Variants in GRM8 observed in about 807,000 individuals in gnomAD.
The protein encoded by GRM8 is metabotropic glutamate receptor 8.
Under a neutral mutation model 87.2 loss-of-function variants are expected in GRM8, and 47 were observed. The ratio of observed to expected loss-of-function variants is 0.54; its 90% CI spans 0.43 to 0.69. The LOEUF (loss-of-function observed/expected upper bound fraction) is 0.69. GRM8 is among the 30% of genes least tolerant of loss of function. The pLI is 0.00. For missense variants in GRM8, 1,019 were observed against 1,139.2 expected, an observed-to-expected ratio of 0.89 and a Z score of 1.52; for synonymous variants, 396 against 404.5, an observed-to-expected ratio of 0.98 and a Z score of 0.25.
intron 2 of GRM8, among the ~76,000 whole-genome samples, chr7:127,121,077 C>T (rs1457947185): frequency 6.6e-6 from 1 of 152,110 alleles, no homozygotes. Context: ...TGCAATGTAC[C>T]TTGTCATCGA....
chr7:126,706,812 AT>A (rs1466349516), intron 7 of GRM8, among the ~76,000 whole-genome samples: 1 of 152,214 alleles, frequency 6.6e-6, no homozygotes, highest in Admixed American at 6.5e-5. Context: ...TTCAAAAAGC[AT>A]TATGTGAATT....
intron 2 of GRM8, among the ~76,000 whole-genome samples, chr7:127,143,355 C>G (rs1346174179): frequency 6.6e-6 from 1 of 152,128 alleles, no homozygotes; most frequent in Non-Finnish European, 1.5e-5. Flanking sequence ...GCCAGTTAAA[C>G]TACACATCTA....
rs140337078 is a variant in GRM8 at position 126,783,989 on chromosome 7, A to G, written c.1157-13924T>C. ...CTTTTGACTACAAACCTACCTTACAATAAGAAGGGAGTGAATTTAACACAT... is the reference window on the plus strand; with the variant it reads ...CTTTTGACTACAAACCTACCTTACAGTAAGAAGGGAGTGAATTTAACACAT... On this transcript the variant is annotated intron_variant, in intron 6 of 10. Coordinates refer to ENST00000339582, the MANE Select transcript of GRM8 (RefSeq NM_000845.3). Among the ~76,000 whole-genome samples, 103 of 152,318 alleles carry G rather than the reference A, an allele frequency of 6.8e-4. 1 individual carries two copies. Among genetic ancestry groups the G allele is most frequent in the African/African-American group, 2.2e-3 (90 of 41,584 alleles).
At chr7:127,076,976 C>G (rs761588076) in intron 3 of GRM8, among the ~76,000 whole-genome samples, 2 of 152,186 alleles carry the variant, frequency 1.3e-5, no homozygotes, top group Non-Finnish European at 2.9e-5. Flanking sequence ...CAGGGTCACA[C>G]AGAGCCCAAG....
At chr7:126,937,207 C>G (rs573405040) in intron 3 of GRM8, among the ~76,000 whole-genome samples, 1 of 152,146 alleles carries the variant, frequency 6.6e-6, no homozygotes, top group Non-Finnish European at 1.5e-5. Context: ...ATTTCCCATT[C>G]GAGCCTATTG....
At chr7:127,010,819 CATTA>C (rs1281484395) in intron 3 of GRM8, among the ~76,000 whole-genome samples, 2 of 152,036 alleles carry the variant, frequency 1.3e-5, no homozygotes, top group East Asian at 3.9e-4. Flanking sequence ...GGTATCCACT[CATTA>C]ATTCAAAAGC....
intron 7 of GRM8, among the ~76,000 whole-genome samples, chr7:126,666,569 T>A (rs1381137506): frequency 2.0e-5 from 3 of 152,112 alleles, no homozygotes; most frequent in Non-Finnish European, 2.9e-5. Flanking sequence ...TCCTACTGCG[T>A]CCAGCATGTC....
chr7:126,793,016 T>A (rs1423064641), intron 6 of GRM8, among the ~76,000 whole-genome samples: 1 of 152,200 alleles, frequency 6.6e-6, no homozygotes, highest in Admixed American at 6.5e-5. Context: ...AACACTCTTT[T>A]ATGTTTGTGC....
chr7:127,043,628 C>T (rs916853665), intron 3 of GRM8, among the ~76,000 whole-genome samples: 7 of 151,684 alleles, frequency 4.6e-5, no homozygotes, highest in African/African-American at 9.7e-5. Context: ...GTGTGGGGAG[C>T]GGGGAGGGAT....
chr7:127,028,611 T>C (rs1289478125), intron 3 of GRM8, among the ~76,000 whole-genome samples: 1 of 152,230 alleles, frequency 6.6e-6, no homozygotes, highest in Non-Finnish European at 1.5e-5. Flanking sequence ...ATTTTCTAGT[T>C]TATTTGCATA....
At chr7:126,693,871 T>A (rs2151378384) in intron 7 of GRM8, among the ~76,000 whole-genome samples, 1 of 152,214 alleles carries the variant, frequency 6.6e-6, no homozygotes, top group African/African-American at 2.4e-5. Context: ...CAAGTTATGT[T>A]TCATTTATTA....
chr7:127,178,825 G>T (rs1794266954), intron 2 of GRM8, among the ~76,000 whole-genome samples: 1 of 152,030 alleles, frequency 6.6e-6, no homozygotes, highest in Admixed American at 6.6e-5. Context: ...ACCACTACAA[G>T]AACTGCTAAA....
chr7:126,738,975 G>A (rs1814600821), intron 7 of GRM8, among the ~76,000 whole-genome samples: 1 of 151,928 alleles, frequency 6.6e-6, no homozygotes, highest in South Asian at 2.1e-4. Context: ...ACAAATGTTT[G>A]GAGCCTTCAG....
At chr7:127,097,179 G>A (rs1043804042) in intron 3 of GRM8, among the ~76,000 whole-genome samples, 1 of 152,156 alleles carries the variant, frequency 6.6e-6, no homozygotes, top group African/African-American at 2.4e-5. Context: ...ACAGAGTTAA[G>A]CGCAGGGACC....
intron 3 of GRM8, among the ~76,000 whole-genome samples, chr7:127,093,163 T>C (rs1220262111): frequency 2.0e-5 from 3 of 152,176 alleles, no homozygotes; most frequent in Admixed American, 2.0e-4. Context: ...TCTCACTCTG[T>C]AGGCTTAGGC....
chr7:126,979,665 G>GGTTT (rs1422641817), intron 3 of GRM8, among the ~76,000 whole-genome samples: 1 of 152,200 alleles, frequency 6.6e-6, no homozygotes, highest in Non-Finnish European at 1.5e-5. Flanking sequence ...GACCTTCAGA[G>GGTTT]TAAACTCATT....
intron 6 of GRM8, among the ~76,000 whole-genome samples, chr7:126,877,010 T>A (rs1022182800): frequency 6.6e-6 from 1 of 152,154 alleles, no homozygotes; most frequent in Non-Finnish European, 1.5e-5. Context: ...AATATTCTTT[T>A]CACCTCTACT....
chr7:126,608,491 T>G (rs1798584582), intron 8 of GRM8, among the ~76,000 whole-genome samples: 1 of 152,148 alleles, frequency 6.6e-6, no homozygotes, highest in Non-Finnish European at 1.5e-5. Context: ...GGAACTTGCT[T>G]CCGGCTGGGC....
chr7:126,530,227 G>C (rs1814579493), intron 9 of GRM8, among the ~76,000 whole-genome samples: 1 of 152,192 alleles, frequency 6.6e-6, no homozygotes, highest in South Asian at 2.1e-4. Context: ...AGAGACCTGT[G>C]TGGTTCGATG....
Sources: allele counts gnomAD v4.1 joint callset (sites outside exome capture counted in the v4.1 genomes callset), GRCh38; gene constraint gnomAD v4.1.1; transcripts MANE v1.5; gene names NCBI Gene and HGNC (gene_info 2026-07-23, HGNC 2026-07-21).